The following CADPS2 variants were observed in gnomAD, a reference collection of about 807,000 sequenced individuals.
CADPS2 encodes the protein calcium-dependent secretion activator 2.
Under a neutral mutation model 172.5 loss-of-function variants are expected in CADPS2, and 93 were observed. That is an observed-to-expected ratio of 0.54 (90% CI 0.46 to 0.64). The LOEUF (loss-of-function observed/expected upper bound fraction) is 0.64, where lower values mean the gene tolerates loss of function less well. CADPS2 is among the 30% of genes least tolerant of loss of function. The pLI, the probability that CADPS2 is intolerant of heterozygous loss-of-function variation, is 0.00. For missense variants in CADPS2, 1,420 were observed against 1,565.9 expected (o/e 0.91, Z 1.57); for synonymous variants, 546 against 555.2 (o/e 0.98, Z 0.23).
chr7:122,439,726 T>C (rs1017397959), intron 16 of CADPS2, among the ~76,000 whole-genome samples: 1 of 152,200 alleles, frequency 6.6e-6, no homozygotes. Flanking sequence ...GCACTGCACA[T>C]TAGACTTTGC....
intron 25 of CADPS2, among the ~76,000 whole-genome samples, chr7:122,369,242 C>T (rs1339968560): frequency 2.7e-5 from 4 of 149,190 alleles, no homozygotes; most frequent in African/African-American, 4.9e-5. Flanking sequence ...CGCCATTCTC[C>T]TGCCTCAGCC....
At chr7:122,481,126 T>C (rs2057241881) in intron 11 of CADPS2, among the ~76,000 whole-genome samples, 1 of 150,598 alleles carries the variant, frequency 6.6e-6, no homozygotes, top group South Asian at 2.1e-4. Context: ...GTCACTACCC[T>C]CATTCTGATG....
intron 2 of CADPS2, among the ~76,000 whole-genome samples, chr7:122,714,479 T>G (rs954857727): frequency 2.0e-5 from 3 of 152,004 alleles, no homozygotes; most frequent in Non-Finnish European, 4.4e-5. Flanking sequence ...CTATCATCAT[T>G]TTTTTAAAAA....
chr7:122,655,545 C>A (rs1242261779), intron 3 of CADPS2, among the ~76,000 whole-genome samples: 1 of 151,958 alleles, frequency 6.6e-6, no homozygotes, highest in East Asian at 1.9e-4. Flanking sequence ...AAACATAATT[C>A]TATTATACCC....
intron 1 of CADPS2, among the ~76,000 whole-genome samples, chr7:122,738,496 G>A (rs947749986): frequency 6.6e-6 from 1 of 151,700 alleles, no homozygotes; most frequent in Non-Finnish European, 1.5e-5. Flanking sequence ...GCAAAGGAAT[G>A]ATCCTTCCAT....
At chr7:122,519,033 C>T (rs1375201669) in intron 8 of CADPS2, among the ~76,000 whole-genome samples, 1 of 151,570 alleles carries the variant, frequency 6.6e-6, no homozygotes, top group African/African-American at 2.4e-5. Flanking sequence ...CAAATATCAT[C>T]AGTTTTCATG....
chr7:122,557,868 T>C (rs1410672087), intron 7 of CADPS2, among the ~76,000 whole-genome samples: 1 of 152,146 alleles, frequency 6.6e-6, no homozygotes, highest in Non-Finnish European at 1.5e-5. Context: ...AGTAGGGACA[T>C]ATGAAAGTTC....
intron 28 of CADPS2, among the ~76,000 whole-genome samples, chr7:122,326,561 CAA>C (rs1046658423): frequency 1.4e-3 from 217 of 152,000 alleles, no homozygotes; most frequent in African/African-American, 4.6e-3. Context: ...TAGAAAATGA[CAA>C]AAGAGTTTTG....
intron 28 of CADPS2, among the ~76,000 whole-genome samples, chr7:122,337,841 T>C (rs1465678650): frequency 6.7e-6 from 1 of 148,168 alleles, no homozygotes; most frequent in African/African-American, 2.5e-5. Flanking sequence ...GGCTTGACTA[T>C]GACTATCTTA....
chr7:122,864,573 G>A (rs1585015968), intron 1 of CADPS2, among the ~76,000 whole-genome samples: 3 of 152,210 alleles, frequency 2.0e-5, no homozygotes. Flanking sequence ...CCTAGGGCTG[G>A]AACTATTACA....
chr7:122,612,823 G>A (rs1190523376), intron 6 of CADPS2, among the ~76,000 whole-genome samples: 1 of 152,130 alleles, frequency 6.6e-6, no homozygotes, highest in Non-Finnish European at 1.5e-5. Flanking sequence ...TCCAGAAAGT[G>A]TGGTAGTGGC....
chr7:122,643,155 T>C (rs1407367458), intron 3 of CADPS2, among the ~76,000 whole-genome samples: 1 of 152,202 alleles, frequency 6.6e-6, no homozygotes, highest in Non-Finnish European at 1.5e-5. Flanking sequence ...ACTTTCTTGC[T>C]TACCATATCT....
At chr7:122,761,833 GAA>G (rs34908983) in intron 1 of CADPS2, among the ~76,000 whole-genome samples, 2 of 133,110 alleles carry the variant, frequency 1.5e-5, no homozygotes. Context: ...CATCTCTACT[GAA>G]AAAAAAAAAA....
chr7:122,566,056 C>A (rs1563722102), intron 7 of CADPS2, among the ~76,000 whole-genome samples: 1 of 152,100 alleles, frequency 6.6e-6, no homozygotes, highest in Non-Finnish European at 1.5e-5. Context: ...CTGTGCTTGG[C>A]ATATTTCATT....
chr7:122,459,054 A>G lies in CADPS2; in HGVS notation c.2187-7579T>C, dbSNP rs137945584. Among the ~76,000 whole-genome samples the G allele has an allele frequency of 4.0e-3, 614 of 152,122 alleles. 5 individuals are homozygous for G. The highest frequency in any genetic ancestry group is 0.014 in the African/African-American group (574 of 41,548). ...AGACCAAAATGAAAATTTCCTATAA[A>G]TATGCCAACCAGAAATAACTGAAAT... is the stretch of plus-strand genomic sequence containing the variant. On this transcript the variant is annotated intron_variant, in intron 14 of 29. Coordinates refer to ENST00000449022, the MANE Select transcript of CADPS2 (RefSeq NM_017954.11).
chr7:122,822,346 CCCA>C (rs1173060470), intron 1 of CADPS2, among the ~76,000 whole-genome samples: 2 of 151,876 alleles, frequency 1.3e-5, no homozygotes, highest in Non-Finnish European at 2.9e-5. Context: ...TTCTAATATC[CCCA>C]CAATATCACC....
chr7:122,398,869 T>C (rs2045532334), intron 20 of CADPS2, among the ~76,000 whole-genome samples: 1 of 150,284 alleles, frequency 6.7e-6, no homozygotes, highest in Admixed American at 6.7e-5. Flanking sequence ...AAATGTCTGA[T>C]TATTGAATAA....
intron 2 of CADPS2, among the ~76,000 whole-genome samples, chr7:122,709,194 T>G (rs931810915): frequency 6.6e-6 from 1 of 152,090 alleles, no homozygotes; most frequent in Non-Finnish European, 1.5e-5. Flanking sequence ...ACTCCATCAT[T>G]TCAAGATTGT....
intron 1 of CADPS2, among the ~76,000 whole-genome samples, chr7:122,862,427 G>T (rs1156662204): frequency 6.6e-6 from 1 of 152,134 alleles, no homozygotes; most frequent in African/African-American, 2.4e-5. Flanking sequence ...TTTATCCCTA[G>T]CCTCCCTCCT....
Sources: gnomAD v4.1 joint callset for allele counts (sites outside exome capture counted in the v4.1 genomes callset) on GRCh38, gnomAD v4.1.1 for gene constraint, MANE v1.5 for transcripts, NCBI Gene and HGNC (gene_info 2026-07-23, HGNC 2026-07-21) for gene names.